SMOX: variants seen among roughly 807,000 people sequenced by gnomAD.
The protein encoded by SMOX is spermine oxidase, also known as flavin containing amine oxidase.
SMOX carries 22 observed loss-of-function variants against 51.0 expected under a neutral mutation model. That is an observed-to-expected ratio of 0.43 (90% CI 0.31 to 0.62). SMOX has a LOEUF of 0.62. SMOX is among the 20% of genes least tolerant of loss of function. The pLI, the probability that SMOX is intolerant of heterozygous loss-of-function variation, is 0.10. For synonymous variants in SMOX, 282 were observed against 307.8 expected (o/e 0.92, Z 0.88); for missense variants, 566 against 777.7 (o/e 0.73, Z 3.24).
chr20:4,183,011 TC>T lies in SMOX; in HGVS notation c.1369+164del, dbSNP rs1979470067. 6.6e-6 allele frequency among the ~76,000 whole-genome samples: 1 copy of T among 152,194 alleles called. No individual in the cohort carries two copies. Among genetic ancestry groups the T allele is most frequent in the African/African-American group, 2.4e-5 (1 of 41,444 alleles). ...GGTGCCACATTCAGCCAAAGGCTCT[TC>T]AGTTGCTGACAGTTTAGAACTTGAC... On this transcript the variant is annotated intron_variant, in intron 5 of 6. Coordinates refer to ENST00000305958, the MANE Select transcript of SMOX (RefSeq NM_175839.3). This position sits in a 1 kb window ranked among gnomAD's most constrained non-coding sequence, Gnocchi z 4.3.
rs1333110082 is a variant in SMOX at position 4,177,736 on chromosome 20, TA to T, written c.435+160del. On this transcript the variant is annotated intron_variant, in intron 3 of 6. Coordinates refer to ENST00000305958, the MANE Select transcript of SMOX (RefSeq NM_175839.3). The surrounding 1 kb of genome is among the most constrained non-coding windows in gnomAD (Gnocchi z 4.3). The stretch of plus-strand genomic sequence containing the variant: ...TATTCAGTGGGATAGAACTGATTTT[TA>T]TATATTGATTTGTTAGCTTGCTAAA... Among the ~76,000 whole-genome samples the T allele has an allele frequency of 6.6e-6, 1 of 152,250 alleles. No individual in the cohort carries two copies. The highest frequency in any genetic ancestry group is 1.5e-5 in the Non-Finnish European group (1 of 68,044).
intron 1 of SMOX, among the ~76,000 whole-genome samples, chr20:4,157,328 G>A (rs537689049): frequency 1.6e-4 from 25 of 152,276 alleles, no homozygotes; most frequent in Admixed American, 1.2e-3. Context: ...CCCTGTCATC[G>A]TGGACATGAG....
At position 4,153,927 on chromosome 20, in the gene SMOX, G is replaced by A. The variant is rs983585032; in HGVS notation, c.-27+4950G>A. Among the ~76,000 whole-genome samples, 1 of 152,190 alleles carries A rather than the reference G, an allele frequency of 6.6e-6. No individual in the cohort carries two copies. The highest frequency in any genetic ancestry group is 2.4e-5 in the African/African-American group (1 of 41,432). On this transcript the variant is annotated intron_variant, in intron 1 of 6. Transcript: ENST00000305958. This position sits in a 1 kb window ranked among gnomAD's most constrained non-coding sequence, Gnocchi z 4.4. Reference sequence around the variant, plus strand: ...CTGTGGTCAGCACCTGGCATCTCCTGTGCCCCAGCCTGGTGTTCAGAGCCT... The same window carrying A: ...CTGTGGTCAGCACCTGGCATCTCCTATGCCCCAGCCTGGTGTTCAGAGCCT...
At chr20:4,150,512 A>T (rs925787431) in intron 1 of SMOX, among the ~76,000 whole-genome samples, 1 of 152,070 alleles carries the variant, frequency 6.6e-6, no homozygotes, top group Non-Finnish European at 1.5e-5. Context: ...CTCAGCTCCA[A>T]ATGTTGGAGG....
At position 4,182,239 on chromosome 20, in the gene SMOX, G is replaced by A. The variant is rs748671422; in HGVS notation, c.760G>A (p.Val254Ile). The A allele has an allele frequency of 4.3e-6, 7 of 1,613,502 alleles. No individual in the cohort carries two copies. Among genetic ancestry groups the A allele is most frequent in the Middle Eastern group, 1.6e-4 (1 of 6,082 alleles). ...GCTGGCGGAGGGCATCCCTGCCCAC[G>A]TCATCCAGCTAGGGAAACCTGTCCG... ...ELLAEGIPAH[V>I]IQLGKPVRCI... Residue 254 changes from valine (V) to isoleucine (I), a missense_variant, in exon 5 of 7, where the codon GTC becomes ATC. Coordinates refer to ENST00000305958, the MANE Select transcript of SMOX (RefSeq NM_175839.3). This position sits in a 1 kb window ranked among gnomAD's most constrained non-coding sequence, Gnocchi z 8.4.
chr20:4,156,862 C>T (rs1044605435), intron 1 of SMOX, among the ~76,000 whole-genome samples: 4 of 152,192 alleles, frequency 2.6e-5, no homozygotes, highest in Non-Finnish European at 4.4e-5. Flanking sequence ...CTTGCCTCAG[C>T]CTCCCGAGTA....
intron 3 of SMOX, among the ~76,000 whole-genome samples, chr20:4,178,038 T>TTTG (rs913693096): frequency 6.6e-6 from 1 of 152,266 alleles, no homozygotes; most frequent in South Asian, 2.1e-4. Flanking sequence ...TATTTAATTT[T>TTTG]TTGTTGTTGT....
At chr20:4,171,375 T>G (rs973061016) in intron 1 of SMOX, among the ~76,000 whole-genome samples, 1 of 152,138 alleles carries the variant, frequency 6.6e-6, no homozygotes, top group Admixed American at 6.5e-5. Flanking sequence ...CAGCAGGCAT[T>G]TAGCACACAG....
At chr20:4,158,309 A>G (rs1314830225) in intron 1 of SMOX, among the ~76,000 whole-genome samples, 1 of 151,960 alleles carries the variant, frequency 6.6e-6, no homozygotes, top group African/African-American at 2.4e-5. Context: ...GGATTTTCCT[A>G]CCCAGCCCTA....
intron 1 of SMOX, among the ~76,000 whole-genome samples, chr20:4,151,684 C>A (rs1985771894): frequency 6.6e-6 from 1 of 152,194 alleles, no homozygotes. Flanking sequence ...CTTAATTATA[C>A]CTTCCTCAAA....
At chr20:4,174,590 A>G (rs1201560645) in intron 1 of SMOX, among the ~76,000 whole-genome samples, 3 of 152,144 alleles carry the variant, frequency 2.0e-5, no homozygotes, top group Non-Finnish European at 4.4e-5. Flanking sequence ...CCCAAGCTCC[A>G]GTCTCTCCTG....
chr20:4,157,626 G>A (rs1184399139), intron 1 of SMOX, among the ~76,000 whole-genome samples: 1 of 152,160 alleles, frequency 6.6e-6, no homozygotes, highest in Non-Finnish European at 1.5e-5. Context: ...GCCCACAGAA[G>A]GTTTTGAGCA....
At position 4,175,048 on chromosome 20, in the gene SMOX, C is replaced by T. The variant is rs117533636; in HGVS notation, c.-8C>T. ...CCTGCAGGTTCCTAGAAGGTGAGCG[C>T]GGACGGTATGCAAAGTTGTGAATCC... On this transcript the variant is annotated 5_prime_UTR_variant, in exon 2 of 7. Coordinates refer to ENST00000305958, the MANE Select transcript of SMOX (RefSeq NM_175839.3). The T allele has an allele frequency of 3.4e-4, 552 of 1,613,992 alleles. 3 individuals carry two copies. The East Asian group carries it at 0.011, about 32-fold the overall frequency.
In SMOX at chr20:4,177,111, A is replaced by T. The variant is rs1336663088; in HGVS notation, c.209-240A>T. Among the ~76,000 whole-genome samples the T allele has an allele frequency of 6.6e-6, 1 of 152,168 alleles. No homozygotes were observed. Among genetic ancestry groups the T allele is most frequent in the Non-Finnish European group, 1.5e-5 (1 of 68,022 alleles). ...AGAAGAGCCTTCTAACTGGTCCAGTAAGGCCACTCTGGGACAAATCACAGA... is the reference window on the plus strand; with the variant it reads ...AGAAGAGCCTTCTAACTGGTCCAGTTAGGCCACTCTGGGACAAATCACAGA... On this transcript the variant is annotated intron_variant, in intron 2 of 6. Coordinates refer to ENST00000305958, the MANE Select transcript of SMOX (RefSeq NM_175839.3). The surrounding 1 kb of genome is among the most constrained non-coding windows in gnomAD (Gnocchi z 4.3).
intron 1 of SMOX, among the ~76,000 whole-genome samples, chr20:4,154,583 G>A (rs60653027): frequency 0.058 from 8,853 of 152,020 alleles, 400 homozygotes; most frequent in East Asian, 0.21. Flanking sequence ...GGCTGGTCTC[G>A]AACTCCTGGC....
chr20:4,182,568 C>T lies in SMOX; in HGVS notation c.1089C>T (p.Gly363=). The change falls in exon 5 of 7, where the codon GGC becomes GGT. Residue 363 remains glycine, a synonymous_variant. Coordinates refer to ENST00000305958, the MANE Select transcript of SMOX (RefSeq NM_175839.3). This position sits in a 1 kb window ranked among gnomAD's most constrained non-coding sequence, Gnocchi z 8.4. ...CTGCCATCCACCGCCTGGGCATTGG[C>T]ACCACCGACAAGATCTTTCTGGAAT... is the stretch of plus-strand genomic sequence containing the variant. The part of the protein sequence containing the change: ...KVAAIHRLGI[G]TTDKIFLEFE... 6.2e-7 allele frequency: 1 copy of T among 1,613,954 alleles called. No homozygotes were observed. The highest frequency in any genetic ancestry group is 8.5e-7 in the Non-Finnish European group (1 of 1,179,964).
intron 6 of SMOX, among the ~76,000 whole-genome samples, chr20:4,184,161 C>CT (rs11418906): frequency 0.11 from 15,757 of 137,742 alleles, 1,741 homozygotes; most frequent in East Asian, 0.27. Flanking sequence ...AATTTTTGTA[C>CT]TTTTTTTTTT....
At chr20:4,158,309 A>T (rs1314830225) in intron 1 of SMOX, among the ~76,000 whole-genome samples, 1 of 152,078 alleles carries the variant, frequency 6.6e-6, no homozygotes, top group Non-Finnish European at 1.5e-5. Context: ...GGATTTTCCT[A>T]CCCAGCCCTA....
chr20:4,171,033 G>A (rs909825788), intron 1 of SMOX, among the ~76,000 whole-genome samples: 7 of 152,162 alleles, frequency 4.6e-5, no homozygotes, highest in Non-Finnish European at 8.8e-5. Flanking sequence ...ATGGAAGCAG[G>A]AGCAAGAAGG....
Sources: gnomAD v4.1 joint callset for allele counts (sites outside exome capture counted in the v4.1 genomes callset) on GRCh38, gnomAD v4.1.1 for gene constraint, Gnocchi (gnomAD v3.1) non-coding constraint, MANE v1.5 for transcripts, NCBI Gene and HGNC (gene_info 2026-07-23, HGNC 2026-07-21) for gene names.